MPPED2: variants seen among roughly 807,000 people sequenced by gnomAD.
MPPED2 encodes metallophosphoesterase domain containing 2, also known as metallophosphoesterase MPPED2.
In MPPED2, 5 loss-of-function variants were observed where a neutral mutation model predicts 33.0. The observed-to-expected ratio is 0.15, with a 90% CI of 0.08 to 0.32. MPPED2 has a LOEUF of 0.32. MPPED2 is among the 10% of genes least tolerant of loss of function. The pLI is 1.00. For synonymous variants in MPPED2, 136 were observed against 141.9 expected, an observed-to-expected ratio of 0.96 and a Z score of 0.29; for missense variants, 275 against 372.1, an observed-to-expected ratio of 0.74 and a Z score of 2.15.
chr11:30,513,352 C>A (rs942858806), intron 3 of MPPED2, among the ~76,000 whole-genome samples: 29 of 152,202 alleles, frequency 1.9e-4, no homozygotes, highest in Non-Finnish European at 3.5e-4. Flanking sequence ...CTGTGCACAT[C>A]TTTGTTTCAA....
intron 2 of MPPED2, among the ~76,000 whole-genome samples, chr11:30,575,349 G>A (rs1365598724): frequency 6.6e-6 from 1 of 152,132 alleles, no homozygotes; most frequent in Non-Finnish European, 1.5e-5. Flanking sequence ...TATTTATCAA[G>A]TGGTATCTTT....
intron 4 of MPPED2, among the ~76,000 whole-genome samples, chr11:30,486,821 T>G (rs966691944): frequency 3.5e-4 from 54 of 152,356 alleles, no homozygotes; most frequent in African/African-American, 1.3e-3. Context: ...ATGGACATCA[T>G]TTAGGGCTTT....
chr11:30,452,024 A>T (rs1950085261), intron 4 of MPPED2: 1 of 985,254 alleles, frequency 1.0e-6, no homozygotes, highest in South Asian at 4.7e-5. Flanking sequence ...GCCTCTTCTC[A>T]TTTTGCCCTT....
At chr11:30,527,118 G>A (rs1385740248) in intron 3 of MPPED2, among the ~76,000 whole-genome samples, 1 of 151,688 alleles carries the variant, frequency 6.6e-6, no homozygotes, top group African/African-American at 2.4e-5. Context: ...TTTCAGTAGA[G>A]ACGGGGTTTC....
At chr11:30,474,782 C>T (rs2134082528) in intron 4 of MPPED2, among the ~76,000 whole-genome samples, 1 of 152,190 alleles carries the variant, frequency 6.6e-6, no homozygotes, top group South Asian at 2.1e-4. Flanking sequence ...TTGGTCATCC[C>T]TGAGGACTTC....
At chr11:30,476,119 A>G (rs148832510) in intron 4 of MPPED2, among the ~76,000 whole-genome samples, 3,131 of 151,806 alleles carry the variant, frequency 0.021, 39 homozygotes, top group Middle Eastern at 0.051. Flanking sequence ...GGGTTGTAAG[A>G]CTCCTTTATG....
At chr11:30,439,035 C>A (rs550149802) in intron 4 of MPPED2, among the ~76,000 whole-genome samples, 1 of 152,240 alleles carries the variant, frequency 6.6e-6, no homozygotes, top group South Asian at 2.1e-4. Context: ...AAAATGCTTA[C>A]AAGAAACTCA....
chr11:30,406,590 G>A (rs978084419), downstream of MPPED2, among the ~76,000 whole-genome samples: 2 of 152,204 alleles, frequency 1.3e-5, no homozygotes, highest in African/African-American at 4.8e-5. Context: ...TTCTGGAAGA[G>A]CCATGCTAGA....
At chr11:30,579,918 G>C (rs1212236585) in intron 2 of MPPED2, among the ~76,000 whole-genome samples, 2 of 151,988 alleles carry the variant, frequency 1.3e-5, no homozygotes, top group Non-Finnish European at 2.9e-5. Flanking sequence ...TAGGGGTCAG[G>C]AGTCTCAGGC....
intron 4 of MPPED2, among the ~76,000 whole-genome samples, chr11:30,476,166 T>C (rs1384314063): frequency 4.6e-5 from 7 of 152,012 alleles, no homozygotes; most frequent in Non-Finnish European, 8.8e-5. Context: ...TCCAGATTTA[T>C]AGGTTGAAAA....
intron 6 of MPPED2, among the ~76,000 whole-genome samples, chr11:30,395,841 A>G (rs935713588): frequency 4.6e-5 from 7 of 152,172 alleles, no homozygotes; most frequent in Non-Finnish European, 1.5e-5. Flanking sequence ...GAAACGTTGT[A>G]CACACATGTT....
At chr11:30,505,726 T>C (rs754865169) in intron 3 of MPPED2, among the ~76,000 whole-genome samples, 21 of 152,208 alleles carry the variant, frequency 1.4e-4, no homozygotes, top group Non-Finnish European at 2.8e-4. Context: ...GTAAAGACAT[T>C]GTCAGGTTTC....
At chr11:30,547,926 C>T (rs1955512891) in intron 2 of MPPED2, among the ~76,000 whole-genome samples, 1 of 152,158 alleles carries the variant, frequency 6.6e-6, no homozygotes, top group Admixed American at 6.5e-5. Context: ...GGAGGGCATA[C>T]ATACCAAACT....
At chr11:30,540,122 C>G (rs1955018674) in intron 2 of MPPED2, among the ~76,000 whole-genome samples, 1 of 152,206 alleles carries the variant, frequency 6.6e-6, no homozygotes, top group African/African-American at 2.4e-5. Context: ...CAGTCATTGG[C>G]TTTGGGCAAC....
intron 4 of MPPED2, among the ~76,000 whole-genome samples, chr11:30,444,783 T>C (rs1949731495): frequency 6.6e-6 from 1 of 152,188 alleles, no homozygotes; most frequent in Non-Finnish European, 1.5e-5. Flanking sequence ...AGTAAAACAT[T>C]AAACAATTTT....
Position 30,580,432 on chromosome 11 carries a change from G to T in MPPED2, c.-59C>A. ...TTTACAGAGCAAAAGATGGAAGCAG[G>T]CATGGTGCGTTTCAGCCAACCTCTG... On this transcript the variant is annotated 5_prime_UTR_variant, in exon 2 of 7. Transcript: ENST00000358117. The T allele has an allele frequency of 6.3e-7, 1 of 1,596,960 alleles. No individual in the cohort carries two copies.
intron 3 of MPPED2, among the ~76,000 whole-genome samples, chr11:30,518,254 G>C (rs1267550351): frequency 6.6e-6 from 1 of 152,108 alleles, no homozygotes; most frequent in Admixed American, 6.5e-5. Context: ...CAGCAGCCAG[G>C]GGCTGTCTCT....
chr11:30,505,125 C>CAAG (rs1952761413), intron 3 of MPPED2, among the ~76,000 whole-genome samples: 1 of 152,198 alleles, frequency 6.6e-6, no homozygotes, highest in Admixed American at 6.5e-5. Context: ...CAGGTAACAA[C>CAAG]TGACAAGTGC....
chr11:30,402,660 C>T (rs1313839418), intron 6 of MPPED2, among the ~76,000 whole-genome samples: 1 of 152,194 alleles, frequency 6.6e-6, no homozygotes, highest in Non-Finnish European at 1.5e-5. Context: ...TTTTCTCCTT[C>T]CTATTCCCAT....
Sources: allele counts gnomAD v4.1 joint callset (sites outside exome capture counted in the v4.1 genomes callset), GRCh38; gene constraint gnomAD v4.1.1; transcripts MANE v1.5; gene names NCBI Gene and HGNC (gene_info 2026-07-23, HGNC 2026-07-21).